Variants in GRM3 observed in about 807,000 individuals in gnomAD.
The protein encoded by GRM3 is glutamate metabotropic receptor 3.
A neutral mutation model predicts 70.5 loss-of-function variants in GRM3; 26 were observed. The ratio of observed to expected loss-of-function variants is 0.37; its 90% confidence interval spans 0.27 to 0.51. GRM3 has a LOEUF of 0.51. Ranked by LOEUF, GRM3 falls within the 20% of genes least tolerant of loss-of-function variation. The pLI is 0.93. For synonymous variants in GRM3, 443 were observed against 434.9 expected (o/e 1.02, Z -0.23); for missense variants, 859 against 1,123.8 (o/e 0.76, Z 3.37).
chr7:86,665,313 T>C (rs1793998967), intron 1 of GRM3, among the ~76,000 whole-genome samples: 1 of 152,066 alleles, frequency 6.6e-6, no homozygotes, highest in Admixed American at 6.6e-5. Context: ...CAATATACTA[T>C]CTACCTCACA....
chr7:86,856,438 T>A (rs1584282487), intron 5 of GRM3, among the ~76,000 whole-genome samples: 1 of 125,302 alleles, frequency 8.0e-6, no homozygotes, highest in Non-Finnish European at 1.6e-5. Context: ...AGAGCAAGAC[T>A]CCATCGCCCT....
intron 1 of GRM3, among the ~76,000 whole-genome samples, chr7:86,736,408 G>T (rs1476188529): frequency 1.3e-5 from 2 of 152,186 alleles, no homozygotes; most frequent in Non-Finnish European, 2.9e-5. Flanking sequence ...TTCTCTATTG[G>T]TTTGTAACAA....
chr7:86,841,860 T>C (rs1798564249), intron 4 of GRM3, among the ~76,000 whole-genome samples: 1 of 152,170 alleles, frequency 6.6e-6, no homozygotes, highest in Admixed American at 6.6e-5. Context: ...ACCAGAACTT[T>C]CACCACATAG....
At chr7:86,679,176 A>G (rs936114201) in intron 1 of GRM3, among the ~76,000 whole-genome samples, 3 of 152,070 alleles carry the variant, frequency 2.0e-5, no homozygotes, top group African/African-American at 4.8e-5. Flanking sequence ...TGATCAGGAT[A>G]ATGAATACAT....
chr7:86,678,083 G>T (rs1470556159), intron 1 of GRM3, among the ~76,000 whole-genome samples: 1 of 151,962 alleles, frequency 6.6e-6, no homozygotes, highest in African/African-American at 2.4e-5. Flanking sequence ...CTTAAGGATA[G>T]AAATATGAAT....
intron 1 of GRM3, among the ~76,000 whole-genome samples, chr7:86,729,721 A>G (rs1329708323): frequency 6.6e-6 from 1 of 152,254 alleles, no homozygotes; most frequent in East Asian, 1.9e-4. Flanking sequence ...CAAATCACAC[A>G]GAAAAAAAGT....
At chr7:86,679,429 A>G (rs758755275) in intron 1 of GRM3, among the ~76,000 whole-genome samples, 9 of 152,062 alleles carry the variant, frequency 5.9e-5, no homozygotes, top group Non-Finnish European at 1.3e-4. Flanking sequence ...AATTTTCATT[A>G]TCTGTAAGTT....
At chr7:86,776,897 T>C (rs1422747030) in intron 2 of GRM3, among the ~76,000 whole-genome samples, 9 of 152,196 alleles carry the variant, frequency 5.9e-5, no homozygotes, top group African/African-American at 7.2e-5. Context: ...TGTTAGGAAC[T>C]GGAACATGAA....
intron 1 of GRM3, among the ~76,000 whole-genome samples, chr7:86,668,463 A>G (rs534939288): frequency 1.3e-5 from 2 of 152,158 alleles, no homozygotes; most frequent in African/African-American, 4.8e-5. Flanking sequence ...ACCCCATTGG[A>G]CTGATTTAAC....
chr7:86,662,468 C>T (rs1470298516), intron 1 of GRM3, among the ~76,000 whole-genome samples: 1 of 151,784 alleles, frequency 6.6e-6, no homozygotes, highest in Admixed American at 6.6e-5. Flanking sequence ...ATGAGCAGGG[C>T]ATATTACCAT....
At position 86,646,014 on chromosome 7, in the gene GRM3, GGT is replaced by G. The variant is rs1562811316; in HGVS notation, c.-141+1144_-141+1145del. Among the ~76,000 whole-genome samples the G allele has an allele frequency of 3.8e-3, 249 of 65,978 alleles. 1 individual carries two copies. The highest frequency in any genetic ancestry group is 5.2e-3 in the Non-Finnish European group (176 of 33,642). The allele number at this position is 65,978 out of a possible 152,430, so 43.3% of individuals were successfully genotyped here. ...GGGTGGGGGTGGGGGGGTGGGGGGG[GGT>G]GGGAGGGAGTTTAGGGGGTGGAGTC... On this transcript the variant is annotated intron_variant, in intron 1 of 5. Coordinates refer to ENST00000361669, the MANE Select transcript of GRM3 (RefSeq NM_000840.3).
At chr7:86,710,707 C>T (rs1584185082) in intron 1 of GRM3, among the ~76,000 whole-genome samples, 1 of 151,822 alleles carries the variant, frequency 6.6e-6, no homozygotes, top group African/African-American at 2.4e-5. Context: ...CTGTAATTCC[C>T]AACTCTAGTA....
At chr7:86,818,304 A>G (rs1251180808) in intron 3 of GRM3, among the ~76,000 whole-genome samples, 3 of 152,136 alleles carry the variant, frequency 2.0e-5, no homozygotes, top group Non-Finnish European at 4.4e-5. Flanking sequence ...ACTATAGTAC[A>G]TGAACTCACT....
intron 3 of GRM3, among the ~76,000 whole-genome samples, chr7:86,800,315 C>T (rs1797652726): frequency 6.6e-6 from 1 of 152,040 alleles, no homozygotes; most frequent in African/African-American, 2.4e-5. Flanking sequence ...GAGATAGAGA[C>T]ATTTAAAAAT....
chr7:86,679,390 G>A (rs974980774), intron 1 of GRM3, among the ~76,000 whole-genome samples: 3 of 151,990 alleles, frequency 2.0e-5, no homozygotes, highest in Non-Finnish European at 4.4e-5. Flanking sequence ...CACCTTGTTA[G>A]CATTTCCTGT....
At chr7:86,809,401 C>G (rs551927956) in intron 3 of GRM3, among the ~76,000 whole-genome samples, 4 of 152,012 alleles carry the variant, frequency 2.6e-5, no homozygotes, top group Admixed American at 1.3e-4. Flanking sequence ...TTTGCTGAGC[C>G]CTGAATGTCA....
intron 3 of GRM3, among the ~76,000 whole-genome samples, chr7:86,829,123 A>G (rs1441096252): frequency 6.6e-6 from 1 of 152,212 alleles, no homozygotes; most frequent in Non-Finnish European, 1.5e-5. Context: ...CCTCATCTGC[A>G]GTGACTTCCT....
chr7:86,770,464 T>G (rs929170990), intron 2 of GRM3, among the ~76,000 whole-genome samples: 1 of 152,084 alleles, frequency 6.6e-6, no homozygotes, highest in African/African-American at 2.4e-5. Context: ...TGACATGACA[T>G]GCATTGTTCA....
chr7:86,816,868 A>C (rs557722580), intron 3 of GRM3, among the ~76,000 whole-genome samples: 1 of 152,098 alleles, frequency 6.6e-6, no homozygotes, highest in East Asian at 1.9e-4. Context: ...TTTCTGAATT[A>C]GAGATAAGTG....
Sources: allele counts gnomAD v4.1 joint callset (sites outside exome capture counted in the v4.1 genomes callset), GRCh38; gene constraint gnomAD v4.1.1; transcripts MANE v1.5; gene names NCBI Gene and HGNC (gene_info 2026-07-23, HGNC 2026-07-21).